ADRA1B: variants seen among roughly 807,000 people sequenced by gnomAD.
The protein encoded by ADRA1B is adrenoceptor alpha 1B, also known as alpha-1B adrenergic receptor.
Under a neutral mutation model 17.9 loss-of-function variants are expected in ADRA1B, and 17 were observed. That is an observed-to-expected ratio of 0.95 (90% CI 0.65 to 1.42). ADRA1B has a LOEUF of 1.42. Among genes scored for constraint, ADRA1B ranks in the 40% most tolerant of loss-of-function variants. The pLI, the probability that ADRA1B is intolerant of heterozygous loss-of-function variation, is 0.00. For missense variants in ADRA1B, 681 were observed against 722.1 expected (o/e 0.94, Z 0.65); for synonymous variants, 366 against 327.6 (o/e 1.12, Z -1.27).
intron 1 of ADRA1B, among the ~76,000 whole-genome samples, chr5:159,874,729 A>G (rs1753784380): frequency 6.6e-6 from 1 of 152,208 alleles, no homozygotes; most frequent in Non-Finnish European, 1.5e-5. Context: ...TCATGCAGGG[A>G]CAAGGAGCCT....
chr5:159,909,420 T>C (rs1395968605), intron 1 of ADRA1B, among the ~76,000 whole-genome samples: 2 of 152,198 alleles, frequency 1.3e-5, no homozygotes, highest in Non-Finnish European at 2.9e-5. Flanking sequence ...AGGAAAAGGT[T>C]CCCACCACTT....
chr5:159,916,953 C>T lies in ADRA1B; in HGVS notation c.48C>T (p.His16=). 1 of 1,614,100 alleles carries T rather than the reference C, an allele frequency of 6.2e-7. No individual in the cohort carries two copies. Among genetic ancestry groups the T allele is most frequent in the Non-Finnish European group, 8.5e-7 (1 of 1,179,974 alleles). ...GCCACAACACATCAGCACCTGCCCA[C>T]TGGGGAGAGTTGAAAAATGCCAACT... is the stretch of plus-strand genomic sequence containing the variant. ...DTGHNTSAPA[H]WGELKNANFT... The change falls in exon 1 of 2, where the codon CAC becomes CAT. Residue 16 remains histidine (H), a synonymous_variant. Coordinates refer to ENST00000306675, the MANE Select transcript of ADRA1B (RefSeq NM_000679.4).
intron 1 of ADRA1B, among the ~76,000 whole-genome samples, chr5:159,960,053 C>T (rs1225123623): frequency 2.0e-5 from 3 of 152,262 alleles, no homozygotes; most frequent in East Asian, 1.9e-4. Flanking sequence ...AGGCGTTACA[C>T]GAGGCACCCT....
intron 1 of ADRA1B, chr5:159,951,554 G>T (rs546188669): frequency 2.3e-5 from 13 of 559,016 alleles, no homozygotes; most frequent in South Asian, 2.1e-4. Context: ...TCTGTCGAAC[G>T]GGAGGAGCAG....
intron 1 of ADRA1B, among the ~76,000 whole-genome samples, chr5:159,924,341 C>A (rs529237863): frequency 3.3e-5 from 5 of 151,982 alleles, no homozygotes; most frequent in Non-Finnish European, 7.4e-5. Context: ...AAGTTAGTAC[C>A]CTATGTCAAT....
intron 1 of ADRA1B, among the ~76,000 whole-genome samples, chr5:159,969,140 TC>T (rs1414157922): frequency 6.6e-6 from 1 of 152,188 alleles, no homozygotes; most frequent in Non-Finnish European, 1.5e-5. Flanking sequence ...AATAGTGCCC[TC>T]CCTTGTCTCA....
intron 1 of ADRA1B, among the ~76,000 whole-genome samples, chr5:159,970,043 C>A (rs1285259145): frequency 2.6e-5 from 4 of 152,094 alleles, no homozygotes; most frequent in Admixed American, 2.6e-4. Context: ...CAAGTTTCAG[C>A]TGACTTATAT....
chr5:159,895,678 A>G (rs1754033921), intron 1 of ADRA1B, among the ~76,000 whole-genome samples: 1 of 152,214 alleles, frequency 6.6e-6, no homozygotes, highest in Non-Finnish European at 1.5e-5. Context: ...TGAAGAAAAA[A>G]AAAGATCATT....
the ADRA1B span, among the ~76,000 whole-genome samples, chr5:159,986,757 A>G: frequency 2.0e-5 from 3 of 152,270 alleles, no homozygotes; most frequent in South Asian, 2.1e-4. Flanking sequence ...TCGATTTACG[A>G]TCTATCCACT....
At chr5:159,978,011 A>G (rs1005978821), downstream of ADRA1B, among the ~76,000 whole-genome samples, 2 of 151,574 alleles carry the variant, frequency 1.3e-5, no homozygotes, top group Non-Finnish European at 2.9e-5. Context: ...TGACTTCCCT[A>G]CTGCCAACAC....
At chr5:159,966,563 A>G (rs1755779366) in intron 1 of ADRA1B, among the ~76,000 whole-genome samples, 2 of 152,232 alleles carry the variant, frequency 1.3e-5, no homozygotes, top group African/African-American at 4.8e-5. Flanking sequence ...ATAAAATGAA[A>G]TGCAAATGGA....
At chr5:159,922,260 G>A (rs1754505883) in intron 1 of ADRA1B, among the ~76,000 whole-genome samples, 1 of 152,174 alleles carries the variant, frequency 6.6e-6, no homozygotes, top group Non-Finnish European at 1.5e-5. Context: ...ACTCTAACAG[G>A]CAAAAGTAAC....
At chr5:159,908,485 A>T (rs985165599) in intron 1 of ADRA1B, among the ~76,000 whole-genome samples, 3 of 152,026 alleles carry the variant, frequency 2.0e-5, no homozygotes, top group Non-Finnish European at 4.4e-5. Context: ...TTGTTGTTCA[A>T]AAGAGCCTGG....
Position 159,917,561 on chromosome 5 carries a change from T to C in ADRA1B, c.656T>C (p.Ile219Thr). 1 of 1,613,996 alleles carries C rather than the reference T, an allele frequency of 6.2e-7. No homozygotes were observed. The highest frequency in any genetic ancestry group is 8.5e-7 in the Non-Finnish European group (1 of 1,179,988). The change falls in exon 1 of 2, where the codon ATT becomes ACT. Residue 219 changes from isoleucine to threonine, a missense_variant. By Grantham distance (89) the Ile-to-Thr change is moderately conservative (BLOSUM62 -1). Transcript: ENST00000306675. ...LGSFYIPLAV[I>T]LVMYCRVYIV... ...TCCTTCTACATCCCTCTGGCGGTCA[T>C]TCTAGTCATGTACTGCCGTGTCTAT... is the stretch of plus-strand genomic sequence containing the variant.
chr5:159,929,655 C>T lies in ADRA1B; in HGVS notation c.949+11801C>T, dbSNP rs143512651. ...ACAGGGAACTTGGACCGTGCCATCA[C>T]GCCTTGTAACTATTTTGCATGATTA... is the stretch of plus-strand genomic sequence containing the variant. On this transcript the variant is annotated intron_variant, in intron 1 of 1. Transcript: ENST00000306675. 2.0e-4 allele frequency among the ~76,000 whole-genome samples: 30 copies of T among 152,010 alleles called. No homozygotes were observed. The East Asian group carries it at 3.9e-3, about 20-fold the overall frequency.
intron 1 of ADRA1B, among the ~76,000 whole-genome samples, chr5:159,882,660 C>T (rs1753875122): frequency 6.6e-6 from 1 of 152,190 alleles, no homozygotes; most frequent in African/African-American, 2.4e-5. Flanking sequence ...TTCCATCACC[C>T]AATAGCCTGA....
chr5:159,908,781 TAAGTCATAGTTAATTCAA>T (rs1305826948), intron 1 of ADRA1B, among the ~76,000 whole-genome samples: 1 of 152,182 alleles, frequency 6.6e-6, no homozygotes, highest in East Asian at 1.9e-4. Context: ...CTGCACTCAG[TAAGTCATAGTTAATTCAA>T]ATGGGGCCAA....
chr5:159,901,697 C>T (rs943420874), intron 1 of ADRA1B, among the ~76,000 whole-genome samples: 6 of 152,000 alleles, frequency 3.9e-5, no homozygotes, highest in Non-Finnish European at 8.8e-5. Context: ...CAAAAGTAGA[C>T]AAAGAATAGA....
chr5:159,880,059 T>C (rs755324986), intron 1 of ADRA1B, among the ~76,000 whole-genome samples: 3 of 152,302 alleles, frequency 2.0e-5, no homozygotes, highest in Middle Eastern at 6.8e-3. Context: ...AAGAGATGCA[T>C]TCCTCATACA....
Sources: allele counts gnomAD v4.1 joint callset (sites outside exome capture counted in the v4.1 genomes callset), GRCh38; gene constraint gnomAD v4.1.1; transcripts MANE v1.5; gene names NCBI Gene and HGNC (gene_info 2026-07-23, HGNC 2026-07-21).